Variants in ARHGAP18 observed in about 807,000 individuals in gnomAD.
The protein encoded by ARHGAP18 is Rho GTPase activating protein 18.
In ARHGAP18, 67 loss-of-function variants were observed where a neutral mutation model predicts 86.2. The observed-to-expected ratio is 0.78, with a 90% CI of 0.64 to 0.95. The LOEUF (loss-of-function observed/expected upper bound fraction) is 0.95. Ranked by LOEUF, ARHGAP18 falls within the 40% of genes least tolerant of loss-of-function variation. The pLI, the probability that ARHGAP18 is intolerant of heterozygous loss-of-function variation, is 0.00. For synonymous variants in ARHGAP18, 283 were observed against 280.4 expected, an observed-to-expected ratio of 1.01 and a Z score of -0.09; for missense variants, 691 against 780.4, an observed-to-expected ratio of 0.89 and a Z score of 1.37.
chr6:129,697,314 G>C (rs1774634902), intron 1 of ARHGAP18, among the ~76,000 whole-genome samples: 1 of 152,144 alleles, frequency 6.6e-6, no homozygotes, highest in Admixed American at 6.5e-5. Flanking sequence ...AAGAAAACTG[G>C]TATTTTTAGC....
chr6:129,665,267 T>A (rs1157648883), intron 1 of ARHGAP18, among the ~76,000 whole-genome samples: 1 of 152,204 alleles, frequency 6.6e-6, no homozygotes. Flanking sequence ...GTAAAAAGGC[T>A]GGTGCAGTGG....
At position 129,662,788 on chromosome 6, in the gene ARHGAP18, A is replaced by G. The variant is rs768713113; in HGVS notation, c.114-20770T>C. 4.6e-5 allele frequency among the ~76,000 whole-genome samples: 7 copies of G among 152,240 alleles called. No homozygotes were observed. In the South Asian group the frequency reaches 8.3e-4, roughly 18 times the overall value. ...GCACATTAGGCTAAACTGAATGTGT[A>G]AGTGAGGAACAGTACTGATTAAGCC... On this transcript the variant is annotated intron_variant, in intron 1 of 14. Coordinates refer to ENST00000368149, the MANE Select transcript of ARHGAP18 (RefSeq NM_033515.3).
At chr6:129,625,985 TTATATATCAAA>T (rs1413654761) in intron 5 of ARHGAP18, among the ~76,000 whole-genome samples, 28 of 114,676 alleles carry the variant, frequency 2.4e-4, no homozygotes, top group South Asian at 6.9e-4. Flanking sequence ...TATATTTATA[TTATATATCAAA>T]TATATATCAA....
chr6:129,658,593 A>T (rs530997568), intron 1 of ARHGAP18, among the ~76,000 whole-genome samples: 2 of 152,296 alleles, frequency 1.3e-5, no homozygotes, highest in East Asian at 3.9e-4. Context: ...TTACGCTAAA[A>T]TTTTTCACTT....
At chr6:129,672,635 C>G (rs909531294) in intron 1 of ARHGAP18, among the ~76,000 whole-genome samples, 2 of 152,192 alleles carry the variant, frequency 1.3e-5, no homozygotes, top group African/African-American at 4.8e-5. Flanking sequence ...CAATGGCTGT[C>G]CCCAGTATGC....
At position 129,580,070 on chromosome 6, in the gene ARHGAP18, C is replaced by T. The variant is rs752913693; in HGVS notation, c.1900G>A (p.Gly634Arg). Residue 634 changes from glycine to arginine, a missense_variant and splice_region_variant, in exon 14 of 15, where the codon GGG becomes AGG. Transcript: ENST00000368149. ...VFLYEIGGNIGERCLDDDTYM... is the reference protein window; with the variant it reads ...VFLYEIGGNIRERCLDDDTYM... Reference sequence around the variant, plus strand: ...TGTAAAGAGAAAAAAAAGTGCTTACCAATATTTCCTCCAATTTCATACAAA... The same window carrying T: ...TGTAAAGAGAAAAAAAAGTGCTTACTAATATTTCCTCCAATTTCATACAAA... 7.4e-6 allele frequency: 12 copies of T among 1,611,818 alleles called. No homozygotes were observed. The highest frequency in any genetic ancestry group is 1.3e-5 in the African/African-American group (1 of 74,974).
At position 129,600,562 on chromosome 6, in the gene ARHGAP18, A is replaced by G. The variant is rs770896513; in HGVS notation, c.1572+80T>C. On this transcript the variant is annotated intron_variant, in intron 11 of 14. Transcript: ENST00000368149. ...TATTTTCTGCACTCACAAATTTTAAATGTAAATTAATAAAGCTAATAACAA... is the reference window on the plus strand; with the variant it reads ...TATTTTCTGCACTCACAAATTTTAAGTGTAAATTAATAAAGCTAATAACAA... 8.7e-5 allele frequency: 105 copies of G among 1,205,622 alleles called. 1 individual carries two copies. The highest frequency in any genetic ancestry group is 1.0e-4 in the Non-Finnish European group (86 of 862,822). The allele number at this position is 1,205,622 out of a possible 1,614,324, so 74.7% of individuals were successfully genotyped here.
intron 1 of ARHGAP18, among the ~76,000 whole-genome samples, chr6:129,673,261 G>C (rs1238996521): frequency 6.6e-6 from 1 of 150,386 alleles, no homozygotes; most frequent in African/African-American, 2.5e-5. Flanking sequence ...CAAATATCCA[G>C]TTCCTATTTC....
At chr6:129,680,046 A>G (rs1026414938) in intron 1 of ARHGAP18, among the ~76,000 whole-genome samples, 3 of 152,178 alleles carry the variant, frequency 2.0e-5, no homozygotes, top group African/African-American at 7.2e-5. Flanking sequence ...CTGCCACCTA[A>G]AAGGATACTT....
intron 12 of ARHGAP18, among the ~76,000 whole-genome samples, chr6:129,591,213 G>C (rs745933083): frequency 6.6e-6 from 1 of 152,126 alleles, no homozygotes; most frequent in Non-Finnish European, 1.5e-5. Context: ...ATGCCTGATC[G>C]TTAAGCCAGT....
intron 1 of ARHGAP18, among the ~76,000 whole-genome samples, chr6:129,664,144 G>T (rs995611224): frequency 2.6e-5 from 4 of 152,118 alleles, no homozygotes; most frequent in Middle Eastern, 3.2e-3. Flanking sequence ...TAATATTATG[G>T]GATTAAAATG....
intron 10 of ARHGAP18, among the ~76,000 whole-genome samples, chr6:129,602,003 C>T (rs528209794): frequency 3.3e-5 from 5 of 152,206 alleles, no homozygotes; most frequent in East Asian, 1.9e-4. Context: ...CTTGATGCCA[C>T]GTACACCCAC....
At chr6:129,599,459 T>A in intron 11 of ARHGAP18, 103 bp from the exon 12 acceptor site, 2 of 1,073,478 alleles carry the variant, frequency 1.9e-6, no homozygotes, top group Non-Finnish European at 2.5e-6. Flanking sequence ...CAGTAAAGAG[T>A]TTCTCTTTTT....
chr6:129,707,702 T>C (rs1774825392), intron 1 of ARHGAP18, among the ~76,000 whole-genome samples: 1 of 151,494 alleles, frequency 6.6e-6, no homozygotes. Context: ...CGGGGGTCTT[T>C]TTTTTGCCCA....
Position 129,707,929 on chromosome 6 carries a change from C to CAGCCAA in ARHGAP18, c.113+2089_113+2094dup, listed in dbSNP as rs143336135. ...GGCTTAAAACAACACCTGACCAACC[C>CAGCCAA]AGCCAAAGCCAAAGCCAAAGTCCAG... is the stretch of plus-strand genomic sequence containing the variant. On this transcript the variant is annotated intron_variant, in intron 1 of 14. Transcript: ENST00000368149. Among the ~76,000 whole-genome samples, 12 of 152,030 alleles carry CAGCCAA rather than the reference C, an allele frequency of 7.9e-5. No individual in the cohort carries two copies. In the East Asian group the frequency reaches 1.2e-3, roughly 15 times the overall value.
intron 1 of ARHGAP18, among the ~76,000 whole-genome samples, chr6:129,649,914 G>GT (rs374087104): frequency 0.21 from 26,544 of 128,856 alleles, 2,989 homozygotes; most frequent in Non-Finnish European, 0.23. Context: ...CTTTTTTTTT[G>GT]TTTTTTTTTT....
chr6:129,624,435 C>G (rs565119972), intron 5 of ARHGAP18, among the ~76,000 whole-genome samples: 1 of 152,046 alleles, frequency 6.6e-6, no homozygotes, highest in Non-Finnish European at 1.5e-5. Context: ...GAGGCTGAGG[C>G]AGGAGACTCA....
At chr6:129,677,245 T>C (rs968571194) in intron 1 of ARHGAP18, among the ~76,000 whole-genome samples, 27 of 152,046 alleles carry the variant, frequency 1.8e-4, no homozygotes, top group African/African-American at 6.0e-4. Context: ...TACAAAAAAT[T>C]AGCCAGGTGC....
At chr6:129,621,380 T>C (rs1446568171) in intron 5 of ARHGAP18, among the ~76,000 whole-genome samples, 2 of 152,206 alleles carry the variant, frequency 1.3e-5, no homozygotes, top group Non-Finnish European at 2.9e-5. Flanking sequence ...ATGTGTTTTT[T>C]TTCCTAGGAG....
Sources: gnomAD v4.1 joint callset for allele counts (sites outside exome capture counted in the v4.1 genomes callset) on GRCh38, gnomAD v4.1.1 for gene constraint, MANE v1.5 for transcripts, NCBI Gene and HGNC (gene_info 2026-07-23, HGNC 2026-07-21) for gene names.